Variants in SCN1A observed in about 807,000 individuals in gnomAD.
The protein encoded by SCN1A is sodium voltage-gated channel alpha subunit 1, also known as sodium channel protein type 1 subunit alpha.
A neutral mutation model predicts 193.7 loss-of-function variants in SCN1A; 13 were observed. The observed-to-expected ratio is 0.07, with a 90% confidence interval of 0.04 to 0.11. SCN1A has a LOEUF of 0.11. Among genes scored for constraint, SCN1A ranks in the 10% least tolerant of loss-of-function variants. The pLI is 1.00. For missense variants in SCN1A, 1,432 were observed against 2,451.1 expected, an observed-to-expected ratio of 0.58 and a Z score of 8.78; for synonymous variants, 781 against 843.6, an observed-to-expected ratio of 0.93 and a Z score of 1.29.
chr2:166,028,549 A>G (rs1462260839), intron 19 of SCN1A, among the ~76,000 whole-genome samples: 1 of 152,170 alleles, frequency 6.6e-6, no homozygotes, highest in Non-Finnish European at 1.5e-5. Context: ...ATGGACTTTA[A>G]CCAATTATTC....
intron 19 of SCN1A, among the ~76,000 whole-genome samples, chr2:166,033,384 C>T (rs895832717): frequency 6.6e-6 from 1 of 152,046 alleles, no homozygotes; most frequent in Non-Finnish European, 1.5e-5. Context: ...AGGACTTCTC[C>T]CTCTGACATG....
intron 1 of SCN1A, among the ~76,000 whole-genome samples, chr2:166,145,068 C>T (rs1387345414): frequency 1.3e-5 from 2 of 151,892 alleles, no homozygotes; most frequent in African/African-American, 4.8e-5. Context: ...AAACTCCTGA[C>T]CTCATGATCT....
chr2:166,027,725 C>T (rs905476373), intron 19 of SCN1A, among the ~76,000 whole-genome samples: 1 of 151,976 alleles, frequency 6.6e-6, no homozygotes, highest in African/African-American at 2.4e-5. Context: ...TATTGTGACA[C>T]ATATATCTCC....
intron 4 of SCN1A, among the ~76,000 whole-genome samples, chr2:166,064,139 AG>A (rs1396909948): frequency 6.6e-6 from 1 of 152,182 alleles, no homozygotes; most frequent in Non-Finnish European, 1.5e-5. Context: ...TCTTATGTTA[AG>A]GGTGCAAACT....
At position 166,051,932 on chromosome 2, in the gene SCN1A, T is replaced by C. The variant is rs2105890375; in HGVS notation, c.751A>G (p.Met251Val). 6.2e-7 allele frequency: 1 copy of C among 1,612,390 alleles called. No homozygotes were observed. Among genetic ancestry groups the C allele is most frequent in the Non-Finnish European group, 8.5e-7 (1 of 1,178,884 alleles). Residue 251 changes from methionine to valine, a missense_variant, in exon 9 of 29, where the codon ATG (methionine) becomes GTG (valine). Coordinates refer to ENST00000674923, the MANE Select transcript of SCN1A (RefSeq NM_001165963.4). ...CTCAGACAGAACACAGTCAGGATCA[T>C]TACATCTGAGAGCTTCTTCACAGAC... ...IQSVKKLSDV[M>V]ILTVFCLSVF... is the part of the protein sequence containing the mutation.
In SCN1A at chr2:166,035,927, C is replaced by A. The variant is rs547209280; in HGVS notation, c.3429+121G>T. 3.5e-5 allele frequency: 33 copies of A among 945,640 alleles called. No homozygotes were observed. The Admixed American group carries it at 7.5e-4, about 21-fold the overall frequency. 58.6% of individuals were successfully genotyped at this position (945,640 alleles called of 1,614,324 possible). On this transcript the variant is annotated intron_variant, in intron 19 of 28. Transcript: ENST00000674923. ...TGAATGGCTATTGCTTTTGTATTAT[C>A]ATAAAGTAAAAAAAAAAAAAAATCT...
chr2:166,146,266 C>T (rs562180675), intron 1 of SCN1A, among the ~76,000 whole-genome samples: 5 of 152,096 alleles, frequency 3.3e-5, no homozygotes, highest in African/African-American at 9.7e-5. Flanking sequence ...ACCAATAGAT[C>T]GTCACCTAGA....
chr2:165,993,713 T>G (rs953945647), intron 28 of SCN1A: 2 of 180,768 alleles, frequency 1.1e-5, no homozygotes, highest in African/African-American at 4.7e-5. Context: ...ATGCAATACT[T>G]TTCCTTATCT....
upstream of SCN1A, among the ~76,000 whole-genome samples, chr2:166,131,163 C>T (rs1303288826): frequency 1.3e-5 from 2 of 152,126 alleles, no homozygotes; most frequent in Non-Finnish European, 2.9e-5. Flanking sequence ...TCTTCCTCTG[C>T]CCCCGTTGGT....
At chr2:166,040,164 C>T (rs555023510) in intron 16 of SCN1A, among the ~76,000 whole-genome samples, 1 of 152,070 alleles carries the variant, frequency 6.6e-6, no homozygotes, top group East Asian at 1.9e-4. Context: ...GTGATCCGTC[C>T]GCCTCGGCCT....
At chr2:166,096,589 A>G (rs1040696231) in intron 2 of SCN1A, among the ~76,000 whole-genome samples, 9 of 152,160 alleles carry the variant, frequency 5.9e-5, no homozygotes, top group Admixed American at 5.2e-4. Context: ...CTGAGAGATC[A>G]TGTTTTTTAT....
At chr2:166,102,743 G>A (rs1002173237) in intron 2 of SCN1A, among the ~76,000 whole-genome samples, 8 of 152,050 alleles carry the variant, frequency 5.3e-5, no homozygotes, top group Non-Finnish European at 1.0e-4. Context: ...AAAGACACAT[G>A]CACGCATATG....
chr2:166,023,570 A>G (rs1293136618), intron 19 of SCN1A, among the ~76,000 whole-genome samples: 5 of 152,062 alleles, frequency 3.3e-5, no homozygotes, highest in South Asian at 2.1e-4. Context: ...AATCCAAGAG[A>G]GATATGAAGT....
intron 1 of SCN1A, among the ~76,000 whole-genome samples, chr2:166,136,395 G>A (rs1365907078): frequency 6.6e-6 from 1 of 150,750 alleles, no homozygotes; most frequent in Admixed American, 6.6e-5. Context: ...CATGGTAGTT[G>A]TTTCTAAGAT....
rs1697313696 is a variant in SCN1A at position 166,042,576 on chromosome 2, C to A, written c.2044-152G>T. 3 of 763,982 alleles carry A rather than the reference C, an allele frequency of 3.9e-6. No individual in the cohort carries two copies. The South Asian group carries it at 4.7e-5, about 12-fold the overall frequency. The allele number at this position is 763,982 out of a possible 1,614,324, so 47.3% of individuals were successfully genotyped here. A position where few individuals can be genotyped will look rare whatever the true frequency, so the allele number is the denominator to read the frequency against. On this transcript the variant is annotated intron_variant, in intron 14 of 28. Transcript: ENST00000674923. ...GGCAGATATTTCTGACTTATTGTAT[C>A]ATTAGCCTGGAATGTTCAAACTGTT...
intron 24 of SCN1A, among the ~76,000 whole-genome samples, chr2:166,000,718 T>TCTC (rs1690711474): frequency 6.6e-6 from 1 of 151,704 alleles, no homozygotes; most frequent in Non-Finnish European, 1.5e-5. Context: ...AAGGCTTTTG[T>TCTC]ATATGAAAGA....
chr2:166,140,042 T>G (rs1176023397), intron 1 of SCN1A, among the ~76,000 whole-genome samples: 1 of 152,162 alleles, frequency 6.6e-6, no homozygotes, highest in African/African-American at 2.4e-5. Flanking sequence ...CTCACAACAG[T>G]CTCATAAAAT....
intron 1 of SCN1A, 147 bp from the exon 2 acceptor site, chr2:166,127,157 C>CT (rs1372219647): frequency 6.6e-6 from 1 of 152,154 alleles, no homozygotes; most frequent in Non-Finnish European, 1.5e-5. Flanking sequence ...TGCTCAAGCT[C>CT]TTTTTTAGTG....
intron 19 of SCN1A, chr2:166,027,010 C>T (rs149767778): frequency 2.3e-4 from 35 of 152,232 alleles, no homozygotes; most frequent in African/African-American, 7.5e-4. Context: ...TTACCAATTT[C>T]TAAATAGGCT....
Sources: allele counts gnomAD v4.1 joint callset (sites outside exome capture counted in the v4.1 genomes callset), GRCh38; gene constraint gnomAD v4.1.1; transcripts MANE v1.5; gene names NCBI Gene and HGNC (gene_info 2026-07-23, HGNC 2026-07-21).